GABBR2: variants seen among roughly 807,000 people sequenced by gnomAD.
GABBR2 encodes gamma-aminobutyric acid type B receptor subunit 2, also known as G-protein coupled receptor 51.
GABBR2 carries 23 observed loss-of-function variants against 105.6 expected under a neutral mutation model. The observed-to-expected ratio is 0.22, with a 90% CI of 0.16 to 0.31. The LOEUF (loss-of-function observed/expected upper bound fraction) is 0.31. Ranked by LOEUF, GABBR2 falls within the 10% of genes least tolerant of loss-of-function variation. GABBR2 has a pLI of 1.00. For missense variants in GABBR2, 734 were observed against 1,245.5 expected, an observed-to-expected ratio of 0.59 and a Z score of 6.18; for synonymous variants, 478 against 499.7, an observed-to-expected ratio of 0.96 and a Z score of 0.58.
intron 11 of GABBR2, among the ~76,000 whole-genome samples, chr9:98,381,788 C>T (rs527756938): frequency 9.7e-4 from 147 of 152,266 alleles, no homozygotes; most frequent in African/African-American, 3.2e-3. Context: ...ATTTGTAAAG[C>T]GCTTTATGAT....
chr9:98,324,872 C>T (rs1472313170), intron 13 of GABBR2, among the ~76,000 whole-genome samples: 1 of 152,134 alleles, frequency 6.6e-6, no homozygotes, highest in Non-Finnish European at 1.5e-5. Flanking sequence ...CTGTTCTCAA[C>T]TCATCTCTCA....
chr9:98,387,667 C>G (rs1832098561), intron 10 of GABBR2, among the ~76,000 whole-genome samples: 1 of 152,078 alleles, frequency 6.6e-6, no homozygotes, highest in Non-Finnish European at 1.5e-5. Context: ...TGGCTCATGC[C>G]TCTAATTCCA....
intron 7 of GABBR2, among the ~76,000 whole-genome samples, chr9:98,423,423 G>T (rs1234579249): frequency 7.2e-5 from 11 of 152,130 alleles, no homozygotes; most frequent in African/African-American, 2.7e-4. Context: ...AGAAGTGTCT[G>T]TTCATAACCT....
At position 98,371,460 on chromosome 9, in the gene GABBR2, T is replaced by A. The variant is rs2131462414; in HGVS notation, c.1770+4A>T. 1 of 1,445,664 alleles carries A rather than the reference T, an allele frequency of 6.9e-7. No individual in the cohort carries two copies. Among genetic ancestry groups the A allele is most frequent in the Non-Finnish European group, 9.7e-7 (1 of 1,025,978 alleles). The allele number at this position is 1,445,664 out of a possible 1,614,324, so 89.6% of individuals were successfully genotyped here. On this transcript the variant is annotated splice_donor_region_variant and intron_variant, in intron 12 of 18. Coordinates refer to ENST00000259455, the MANE Select transcript of GABBR2 (RefSeq NM_005458.8). ...ATACCCTGAAACAGAAGGAGAGTGA[T>A]TACCTTCTTCTTCATTTTCACATTT...
At chr9:98,440,791 G>A (rs1242737563) in intron 7 of GABBR2, among the ~76,000 whole-genome samples, 1 of 152,194 alleles carries the variant, frequency 6.6e-6, no homozygotes, top group Non-Finnish European at 1.5e-5. Flanking sequence ...GCACACACAG[G>A]CGGAGCCAGT....
intron 11 of GABBR2, among the ~76,000 whole-genome samples, chr9:98,383,306 T>A (rs1832012153): frequency 6.6e-6 from 1 of 152,202 alleles, no homozygotes; most frequent in Non-Finnish European, 1.5e-5. Flanking sequence ...TTTGAGAAGC[T>A]CAGCTTCTTT....
At chr9:98,578,319 G>A (rs1828949783) in intron 1 of GABBR2, among the ~76,000 whole-genome samples, 1 of 152,020 alleles carries the variant, frequency 6.6e-6, no homozygotes, top group African/African-American at 2.4e-5. Flanking sequence ...CAGCACCCCA[G>A]CTATCTCCCT....
intron 6 of GABBR2, among the ~76,000 whole-genome samples, chr9:98,460,121 G>A (rs1826396665): frequency 1.3e-5 from 2 of 152,214 alleles, no homozygotes; most frequent in African/African-American, 4.8e-5. Context: ...AAAATAGCAA[G>A]GTTGGCGGGA....
chr9:98,431,435 G>A (rs1435320860), intron 7 of GABBR2, among the ~76,000 whole-genome samples: 1 of 151,950 alleles, frequency 6.6e-6, no homozygotes, highest in Admixed American at 6.6e-5. Flanking sequence ...TTGGCACATA[G>A]TAAGTTCTCA....
chr9:98,708,108 GCCC>G (rs977366955), intron 1 of GABBR2, among the ~76,000 whole-genome samples: 3 of 152,306 alleles, frequency 2.0e-5, no homozygotes, highest in Admixed American at 1.3e-4. Flanking sequence ...TGGGGGTCCA[GCCC>G]CCACCTTCTC....
chr9:98,468,209 T>A (rs1008117449), intron 6 of GABBR2, among the ~76,000 whole-genome samples: 7 of 152,134 alleles, frequency 4.6e-5, no homozygotes, highest in African/African-American at 1.7e-4. Context: ...ACCTTGCTAT[T>A]CCTCCTACCA....
chr9:98,350,208 C>T (rs987490133), intron 13 of GABBR2, among the ~76,000 whole-genome samples: 66 of 143,582 alleles, frequency 4.6e-4, no homozygotes, highest in African/African-American at 1.6e-3. Context: ...TTCTCATTTT[C>T]TTCATCCTTT....
At chr9:98,309,990 A>G (rs1830610961) in intron 14 of GABBR2, among the ~76,000 whole-genome samples, 1 of 152,082 alleles carries the variant, frequency 6.6e-6, no homozygotes, top group South Asian at 2.1e-4. Context: ...AGTTTATTTG[A>G]CTTTTGGAGA....
At chr9:98,658,932 T>C (rs528334707) in intron 1 of GABBR2, among the ~76,000 whole-genome samples, 3 of 152,312 alleles carry the variant, frequency 2.0e-5, no homozygotes, top group Non-Finnish European at 2.9e-5. Context: ...TTTAAGACTT[T>C]CCTTCATAAG....
intron 13 of GABBR2, among the ~76,000 whole-genome samples, chr9:98,329,125 G>A (rs1448814955): frequency 1.3e-5 from 2 of 152,180 alleles, no homozygotes; most frequent in African/African-American, 2.4e-5. Flanking sequence ...GCTCCCTGAT[G>A]ACATATGCAC....
In GABBR2 at chr9:98,606,921, A is replaced by AATT. The variant is rs1480722349; in HGVS notation, c.322-28850_322-28849insAAT. The AATT allele has an allele frequency of 4.5e-6, 3 of 669,250 alleles. No individual in the cohort carries two copies. The African/African-American group carries it at 5.3e-5, about 12-fold the overall frequency. 41.5% of individuals were successfully genotyped at this position (669,250 alleles called of 1,614,324 possible). ...TCCACATGAATTCCTAGGCATTCAG[A>AATT]CCTAAGAATCATCTTCTTCCTGCTT... is the stretch of plus-strand genomic sequence containing the variant. On this transcript the variant is annotated intron_variant, in intron 1 of 18. Transcript: ENST00000259455.
intron 1 of GABBR2, among the ~76,000 whole-genome samples, chr9:98,640,126 A>ATG (rs1829939761): frequency 8.3e-6 from 1 of 120,832 alleles, no homozygotes; most frequent in Non-Finnish European, 1.8e-5. Flanking sequence ...ACAACCATAT[A>ATG]TATATATATA....
intron 7 of GABBR2, among the ~76,000 whole-genome samples, chr9:98,409,945 A>C (rs184685073): frequency 8.6e-4 from 131 of 152,304 alleles, no homozygotes; most frequent in African/African-American, 3.1e-3. Context: ...ACACCCTGTC[A>C]TCAAAGGTCG....
rs34589145 is a variant in GABBR2 at position 98,688,394 on chromosome 9, C to CATATATATATATATAT, written c.321+20007_321+20022dup. 3.2e-4 allele frequency among the ~76,000 whole-genome samples: 45 copies of CATATATATATATATAT among 140,540 alleles called. 1 individual carries two copies. The South Asian group carries it at 7.1e-3, about 22-fold the overall frequency. 92.2% of individuals were successfully genotyped at this position (140,540 alleles called of 152,430 possible). ...TAATTTAAGAAATAATATGTGGTTT[C>CATATATATATATATAT]ATATATATATATATATAAAATCTCC... On this transcript the variant is annotated intron_variant, in intron 1 of 18. Coordinates refer to ENST00000259455, the MANE Select transcript of GABBR2 (RefSeq NM_005458.8).
Sources: allele counts gnomAD v4.1 joint callset (sites outside exome capture counted in the v4.1 genomes callset), GRCh38; gene constraint gnomAD v4.1.1; transcripts MANE v1.5; gene names NCBI Gene and HGNC (gene_info 2026-07-23, HGNC 2026-07-21).